Variants in MINAR1 observed in about 807,000 individuals in gnomAD.
MINAR1 encodes major intrinsically disordered Notch2-binding receptor 1.
Under a neutral mutation model 65.1 loss-of-function variants are expected in MINAR1, and 40 were observed. That is an observed-to-expected ratio of 0.61 (90% CI 0.48 to 0.80). The LOEUF (loss-of-function observed/expected upper bound fraction) is 0.80, where lower values mean the gene tolerates loss of function less well. MINAR1 is among the 30% of genes least tolerant of loss of function. The pLI, the probability that MINAR1 is intolerant of heterozygous loss-of-function variation, is 0.00. For synonymous variants in MINAR1, 482 were observed against 449.1 expected, an observed-to-expected ratio of 1.07 and a Z score of -0.93; for missense variants, 1,128 against 1,148.0, an observed-to-expected ratio of 0.98 and a Z score of 0.25.
At position 79,463,088 on chromosome 15, in the gene MINAR1, C is replaced by A; in HGVS notation, c.2320C>A (p.Pro774Thr). 1 of 1,613,446 alleles carries A rather than the reference C, an allele frequency of 6.2e-7. No individual in the cohort carries two copies. Among genetic ancestry groups the A allele is most frequent in the South Asian group, 1.1e-5 (1 of 91,020 alleles). The change falls in exon 3 of 4, where the codon CCC (proline) becomes ACC (threonine). Residue 774 changes from proline to threonine, a missense_variant. Transcript: ENST00000305428. ...GCAGGCAGACAGGCAGTACGACATT[C>A]CCCCACAGCACCGACTGCCCAAGCA... ...SKEADRQYDI[P>T]PQHRLPKQPK...
intron 1 of MINAR1, among the ~76,000 whole-genome samples, chr15:79,453,705 C>T (rs892579077): frequency 1.3e-5 from 2 of 152,210 alleles, no homozygotes; most frequent in Non-Finnish European, 2.9e-5. Flanking sequence ...TGTTTCTATC[C>T]ACAGACCTCC....
chr15:79,456,357 A>G lies in MINAR1; in HGVS notation c.210A>G (p.Lys70=), dbSNP rs1895412615. 1 of 1,614,122 alleles carries G rather than the reference A, an allele frequency of 6.2e-7. No homozygotes were observed. Among genetic ancestry groups the G allele is most frequent in the Non-Finnish European group, 8.5e-7 (1 of 1,180,044 alleles). Reference sequence around the variant, plus strand: ...CCACGCTATTCAAAGACAAGATGAAATGCACTGTGAATAACCAGCAATCAA... The same window carrying G: ...CCACGCTATTCAAAGACAAGATGAAGTGCACTGTGAATAACCAGCAATCAA... ...FPATLFKDKM[K]CTVNNQQSKK... is the part of the protein sequence containing the mutation. Residue 70 remains lysine (K), a synonymous_variant, in exon 2 of 4, where the codon AAA becomes AAG. Transcript: ENST00000305428.
chr15:79,437,687 G>GGTGTGT (rs1894651771), intron 1 of MINAR1, among the ~76,000 whole-genome samples: 1 of 109,038 alleles, frequency 9.2e-6, no homozygotes, highest in Non-Finnish European at 2.0e-5. Context: ...GGGTGGCGTG[G>GGTGTGT]GTAGTGAGTG....
intron 1 of MINAR1, among the ~76,000 whole-genome samples, chr15:79,443,085 G>C (rs953534727): frequency 2.0e-5 from 3 of 152,148 alleles, no homozygotes; most frequent in African/African-American, 7.2e-5. Flanking sequence ...TTAATTGCCT[G>C]TACTCACAGG....
chr15:79,418,667 G>A, the MINAR1 span: 1 of 152,476 alleles, frequency 6.6e-6, no homozygotes, highest in East Asian at 1.9e-4. Flanking sequence ...ATAACATTGA[G>A]GATGCTCTTT....
rs544858112 is a variant in MINAR1 at position 79,465,704 on chromosome 15, A to G, written c.2553+2383A>G. ...GCCAGCCCTAGGATGACTGAGAAGAAGAGCAGGTTGTTCTACCCATAGTGT... is the reference window on the plus strand; with the variant it reads ...GCCAGCCCTAGGATGACTGAGAAGAGGAGCAGGTTGTTCTACCCATAGTGT... On this transcript the variant is annotated intron_variant, in intron 3 of 3. Transcript: ENST00000305428. Among the ~76,000 whole-genome samples the G allele has an allele frequency of 4.6e-5, 7 of 152,078 alleles. No individual in the cohort carries two copies. The South Asian group carries it at 1.5e-3, about 32-fold the overall frequency.
intron 1 of MINAR1, among the ~76,000 whole-genome samples, chr15:79,437,037 GAGA>G (rs1347316547): frequency 6.6e-6 from 1 of 152,190 alleles, no homozygotes; most frequent in Non-Finnish European, 1.5e-5. Context: ...ATCTTGAGGA[GAGA>G]AGTTTTATTC....
chr15:79,425,108 T>G, the MINAR1 span: 23 of 152,224 alleles, frequency 1.5e-4, no homozygotes, highest in African/African-American at 5.5e-4. Flanking sequence ...GGCACCATCT[T>G]GGCTCACTGC....
intron 1 of MINAR1, among the ~76,000 whole-genome samples, chr15:79,442,983 T>C (rs1894914466): frequency 6.6e-6 from 1 of 152,152 alleles, no homozygotes; most frequent in African/African-American, 2.4e-5. Flanking sequence ...TGCTACTCCC[T>C]GCATTGGTGA....
At chr15:79,452,839 ATGTGAGTGTATGGGTGAGTCTG>A (rs1413290271) in intron 1 of MINAR1, among the ~76,000 whole-genome samples, 1 of 115,310 alleles carries the variant, frequency 8.7e-6, no homozygotes, top group African/African-American at 3.4e-5. Flanking sequence ...GTGTGTCTGC[ATGTGAGTGTATGGGTGAGTCTG>A]TGTGAGTGTG....
chr15:79,424,824 T>C, the MINAR1 span: 3 of 152,172 alleles, frequency 2.0e-5, no homozygotes, highest in Admixed American at 6.5e-5. Context: ...TCCACAAAAA[T>C]TCATTCTTTT....
chr15:79,466,253 G>T (rs1014265385), intron 3 of MINAR1, among the ~76,000 whole-genome samples: 1 of 152,166 alleles, frequency 6.6e-6, no homozygotes, highest in Non-Finnish European at 1.5e-5. Context: ...GATTTTCTGT[G>T]ATGCCTAGAT....
At chr15:79,444,110 C>A (rs1894944589) in intron 1 of MINAR1, among the ~76,000 whole-genome samples, 1 of 152,146 alleles carries the variant, frequency 6.6e-6, no homozygotes, top group African/African-American at 2.4e-5. Context: ...TTCACACATG[C>A]CTTAGGCTGT....
intron 1 of MINAR1, among the ~76,000 whole-genome samples, chr15:79,448,643 TTA>T (rs1409862545): frequency 6.6e-6 from 1 of 152,188 alleles, no homozygotes; most frequent in African/African-American, 2.4e-5. Context: ...TCTCTGCACT[TTA>T]TTTCAGTTTT....
intron 1 of MINAR1, among the ~76,000 whole-genome samples, chr15:79,445,949 T>G (rs1362466899): frequency 7.9e-5 from 12 of 152,264 alleles, no homozygotes; most frequent in Non-Finnish European, 1.5e-5. Flanking sequence ...ACTGGTAAGT[T>G]TAAGCTATTT....
chr15:79,428,926 T>C (rs544443637), upstream of MINAR1, among the ~76,000 whole-genome samples: 2 of 151,992 alleles, frequency 1.3e-5, no homozygotes, highest in Non-Finnish European at 2.9e-5. Context: ...CCTTTCCCCT[T>C]CCCTCCCCTA....
the MINAR1 span, chr15:79,411,517 G>C: frequency 2.7e-3 from 1,928 of 701,788 alleles, 1 homozygote; most frequent in Non-Finnish European, 3.9e-3. Context: ...GATTTTCAGC[G>C]GGGAGGCACT....
intron 3 of MINAR1, among the ~76,000 whole-genome samples, chr15:79,467,767 T>A (rs1398963708): frequency 6.6e-6 from 1 of 152,224 alleles, no homozygotes; most frequent in African/African-American, 2.4e-5. Context: ...AGTGCTATGA[T>A]GGTCTTGTTT....
intron 3 of MINAR1, among the ~76,000 whole-genome samples, chr15:79,465,401 C>T (rs974190008): frequency 6.6e-6 from 1 of 151,444 alleles, no homozygotes; most frequent in Non-Finnish European, 1.5e-5. Context: ...GGCAAAGGTG[C>T]AGACCCCGTT....
Sources: allele counts gnomAD v4.1 joint callset (sites outside exome capture counted in the v4.1 genomes callset), GRCh38; gene constraint gnomAD v4.1.1; transcripts MANE v1.5; gene names NCBI Gene and HGNC (gene_info 2026-07-23, HGNC 2026-07-21).